STING1: variants seen among roughly 807,000 people sequenced by gnomAD.
STING1 encodes the protein stimulator of interferon response cGAMP interactor 1.
STING1 carries 19 observed loss-of-function variants against 31.6 expected under a neutral mutation model. The observed-to-expected ratio is 0.60, with a 90% confidence interval of 0.42 to 0.88. The LOEUF is 0.88. Among genes scored for constraint, STING1 ranks in the 40% least tolerant of loss-of-function variants. The pLI is 0.00. For synonymous variants in STING1, 200 were observed against 208.6 expected, an observed-to-expected ratio of 0.96 and a Z score of 0.35; for missense variants, 371 against 483.7, an observed-to-expected ratio of 0.77 and a Z score of 2.19.
chr5:139,477,164 A>G (rs1751687224), intron 7 of STING1, among the ~76,000 whole-genome samples, 165 bp downstream of exon 7: 1 of 152,136 alleles, frequency 6.6e-6, no homozygotes, highest in Non-Finnish European at 1.5e-5. Context: ...TCAAAGACCT[A>G]AAAAGCAATC....
At chr5:139,480,971 C>T (rs529870302) in intron 4 of STING1, 73 bp from the exon 5 acceptor site, 2 of 1,284,222 alleles carry the variant, frequency 1.6e-6, no homozygotes, top group African/African-American at 2.9e-5. Context: ...TCCTCCAAGG[C>T]TTCCCAACCT....
chr5:139,478,352 G>A lies in STING1; in HGVS notation c.677C>T (p.Pro226Leu). 6.2e-7 allele frequency: 1 copy of A among 1,614,108 alleles called. No individual in the cohort carries two copies. Among genetic ancestry groups the A allele is most frequent in the Non-Finnish European group, 8.5e-7 (1 of 1,180,022 alleles). ...GCCAGCATGGTCACCGGTCTGCTGGGGCAGTTTATCCAGGAAGCGAATGTT... is the reference window on the plus strand; with the variant it reads ...GCCAGCATGGTCACCGGTCTGCTGGAGCAGTTTATCCAGGAAGCGAATGTT... ...DPNIRFLDKL[P>L]QQTGDHAGIK... The change falls in exon 6 of 8, where the codon CCC becomes CTC. Residue 226 changes from proline (P) to leucine (L), a missense_variant. By Grantham distance (98) the Pro-to-Leu change is moderately conservative. Transcript: ENST00000330794.
In STING1 at chr5:139,481,536, C is replaced by T. The variant is rs1751849725; in HGVS notation, c.169G>A (p.Gly57Arg). 1 of 1,613,952 alleles carries T rather than the reference C, an allele frequency of 6.2e-7. No homozygotes were observed. Among genetic ancestry groups the T allele is most frequent in the Non-Finnish European group, 8.5e-7 (1 of 1,179,992 alleles). Residue 57 changes from glycine to arginine, a missense_variant, in exon 3 of 8, where the codon GGA becomes AGA. Physicochemically the swap from Gly to Arg is moderately radical, Grantham distance 125. Coordinates refer to ENST00000330794, the MANE Select transcript of STING1 (RefSeq NM_198282.4). This position sits in a 1 kb window ranked among gnomAD's most constrained non-coding sequence, Gnocchi z 4.1. ...LVLHLASLQL[G>R]LLLNGVCSLA... is the part of the protein sequence containing the mutation. ...CTGCAGACCCCGTTTAACAGCAGTC[C>T]CAGCTGCAGGGAGGCTAGGTGGAGC...
In STING1 at chr5:139,476,013, C is replaced by A. The variant is rs1296168978; in HGVS notation, c.*248G>T. On this transcript the variant is annotated 3_prime_UTR_variant, in exon 8 of 8. Coordinates refer to ENST00000330794, the MANE Select transcript of STING1 (RefSeq NM_198282.4). ...AAAACTTCCACACACTCAGTCCTCA[C>A]AACAACCGTGAGGGAGGTAAGGCAG... 1 of 459,406 alleles carries A rather than the reference C, an allele frequency of 2.2e-6. No individual in the cohort carries two copies. Among genetic ancestry groups the A allele is most frequent in the Non-Finnish European group, 3.9e-6 (1 of 254,148 alleles). 28.5% of individuals were successfully genotyped at this position (459,406 alleles called of 1,614,324 possible).
Position 139,477,639 on chromosome 5 carries a change from A to G in STING1, c.760-124T>C, listed in dbSNP as rs1017023438. On this transcript the variant is annotated intron_variant, in intron 6 of 7. Transcript: ENST00000330794. ...GGCCCCACTCCCTCAGCCTGTAACGATAGAGTCCTGGGAGGTGGCCACCCT... is the reference window on the plus strand; with the variant it reads ...GGCCCCACTCCCTCAGCCTGTAACGGTAGAGTCCTGGGAGGTGGCCACCCT... 1.2e-5 allele frequency: 12 copies of G among 1,014,400 alleles called. No individual in the cohort carries two copies. The East Asian group carries it at 2.8e-4, about 23-fold the overall frequency. 62.8% of individuals were successfully genotyped at this position (1,014,400 alleles called of 1,614,324 possible).
In STING1 at chr5:139,478,439, C is replaced by G; in HGVS notation, c.590G>C (p.Arg197Pro). The part of the protein sequence containing the change: ...NNLLRGAVSQ[R>P]LYILLPLDCG... ...GTCCAATGGGAGGAGAATATACAGC[C>G]GCTGGCTCACTGCACCCCGTAGCAG... is the stretch of plus-strand genomic sequence containing the variant. Residue 197 changes from arginine (R) to proline (P), a missense_variant, in exon 6 of 8, where the codon CGG (arginine) becomes CCG (proline). Coordinates refer to ENST00000330794, the MANE Select transcript of STING1 (RefSeq NM_198282.4). 6.2e-7 allele frequency: 1 copy of G among 1,614,166 alleles called. No individual in the cohort carries two copies. Among genetic ancestry groups the G allele is most frequent in the Non-Finnish European group, 8.5e-7 (1 of 1,180,030 alleles).
At chr5:139,478,612 G>A in intron 5 of STING1, 104 bp from the exon 6 acceptor site, 2 of 996,914 alleles carry the variant, frequency 2.0e-6, no homozygotes, top group South Asian at 1.4e-5. Flanking sequence ...GGGTGCCAGA[G>A]AATGGAGAGT....
Position 139,475,790 on chromosome 5 carries a change from C to G in STING1, c.*471G>C, listed in dbSNP as rs1449816124. On this transcript the variant is annotated 3_prime_UTR_variant, in exon 8 of 8. Coordinates refer to ENST00000330794, the MANE Select transcript of STING1 (RefSeq NM_198282.4). ...AATACCCCAAACTCAGCCTCCTCCT[C>G]CTCTCCATTCTTCTGCTGGGGCTCC... 6.5e-6 allele frequency: 1 copy of G among 153,506 alleles called. No homozygotes were observed. The highest frequency in any genetic ancestry group is 1.5e-5 in the Non-Finnish European group (1 of 68,886). 9.5% of individuals were successfully genotyped at this position (153,506 alleles called of 1,614,324 possible).
In STING1 at chr5:139,475,631, A is replaced by C. The variant is rs896188638; in HGVS notation, c.*630T>G. On this transcript the variant is annotated 3_prime_UTR_variant, in exon 8 of 8. Coordinates refer to ENST00000330794, the MANE Select transcript of STING1 (RefSeq NM_198282.4). ...GTACTCTAGTGGGGTGGGGGTGCCG[A>C]TACACAGCTAGGCTTAAGGGGCCAG... is the stretch of plus-strand genomic sequence containing the variant. 1 of 152,262 alleles carries C rather than the reference A, an allele frequency of 6.6e-6. No individual in the cohort carries two copies. Among genetic ancestry groups the C allele is most frequent in the African/African-American group, 2.4e-5 (1 of 41,428 alleles). 9.4% of individuals were successfully genotyped at this position (152,262 alleles called of 1,614,324 possible). A position where few individuals can be genotyped will look rare whatever the true frequency, so the allele number is the denominator to read the frequency against.
chr5:139,481,426 A>T lies in STING1; in HGVS notation c.227+52T>A. Reference sequence around the variant, plus strand: ...TCAAGGAGGGGCAGGGCTAGGCATCAAGGGAGTGACACACGTTGGATACCC... The same window carrying T: ...TCAAGGAGGGGCAGGGCTAGGCATCTAGGGAGTGACACACGTTGGATACCC... On this transcript the variant is annotated intron_variant, in intron 3 of 7. Coordinates refer to ENST00000330794, the MANE Select transcript of STING1 (RefSeq NM_198282.4). The surrounding 1 kb of genome is among the most constrained non-coding windows in gnomAD (Gnocchi z 4.1). 1.1e-5 allele frequency: 18 copies of T among 1,597,724 alleles called. No individual in the cohort carries two copies. The South Asian group carries it at 2.0e-4, about 18-fold the overall frequency.
rs570386634 is a variant in STING1, at chr5:139,481,151, T to G, written c.411+8A>C. 1 of 1,613,732 alleles carries G rather than the reference T, an allele frequency of 6.2e-7. No homozygotes were observed. Among genetic ancestry groups the G allele is most frequent in the African/African-American group, 1.3e-5 (1 of 75,040 alleles). ...TGGCCAGAGCTTCTACCTCCCCCTG[T>G]GTCATACCTTGAGGCCCAGGAGGAT... On this transcript the variant is annotated splice_region_variant and intron_variant, in intron 4 of 7. Transcript: ENST00000330794. The surrounding 1 kb of genome is among the most constrained non-coding windows in gnomAD (Gnocchi z 4.1).
Position 139,477,513 on chromosome 5 carries a change from C to G in STING1, c.762G>C (p.Ala254=), listed in dbSNP as rs11554777. Residue 254 remains alanine, a splice_region_variant and synonymous_variant, in exon 7 of 8, where the codon GCG becomes GCC. Coordinates refer to ENST00000330794, the MANE Select transcript of STING1 (RefSeq NM_198282.4). ...TGGCGTACTCCAGGACACAGGTGCC[C>G]GCCTAGAGGAGGTAAGAGGAAGACC... ...IYELLENGQR[A]GTCVLEYATP... is the part of the protein sequence containing the mutation. The G allele has an allele frequency of 2.5e-6, 4 of 1,612,988 alleles. No individual in the cohort carries two copies. The highest frequency in any genetic ancestry group is 2.5e-6 in the Non-Finnish European group (3 of 1,179,528).
intron 5 of STING1, among the ~76,000 whole-genome samples, chr5:139,479,893 G>C (rs956661151): frequency 6.9e-6 from 1 of 145,386 alleles, no homozygotes; most frequent in African/African-American, 2.5e-5. Flanking sequence ...CCGGTGGCAG[G>C]GACCTGTAAT....
In STING1 at chr5:139,476,364, A is replaced by G; in HGVS notation, c.1037T>C (p.Leu346Ser). 6.2e-7 allele frequency: 1 copy of G among 1,612,794 alleles called. No individual in the cohort carries two copies. The highest frequency in any genetic ancestry group is 8.5e-7 in the Non-Finnish European group (1 of 1,179,976). ...EEKEEVTVGSLKTSAVPSTST... is the reference protein window; with the variant it reads ...EEKEEVTVGSSKTSAVPSTST... ...GGTACTGGGCACCGCTGAGGTCTTC[A>G]AGCTGCCCACAGTAACCTCTTCCTT... Residue 346 changes from leucine (L) to serine (S), a missense_variant, in exon 8 of 8, where the codon TTG becomes TCG. Transcript: ENST00000330794.
Position 139,478,263 on chromosome 5 carries a change from C to G in STING1, c.759+7G>C, listed in dbSNP as rs1751720744. 6.2e-7 allele frequency: 1 copy of G among 1,608,900 alleles called. No homozygotes were observed. On this transcript the variant is annotated splice_region_variant and intron_variant, in intron 6 of 7. Coordinates refer to ENST00000330794, the MANE Select transcript of STING1 (RefSeq NM_198282.4). ...CCTCAGAGACCCCCACTCCCCTGCA[C>G]ACTTACCCGCTGCCCGTTCTCCAGA...
intron 6 of STING1, among the ~76,000 whole-genome samples, chr5:139,477,782 C>T (rs998221356): frequency 2.0e-5 from 3 of 152,200 alleles, no homozygotes; most frequent in Non-Finnish European, 2.9e-5. Context: ...TAGGGCAAGA[C>T]CCGAGGCTGT....
chr5:139,478,341 C>A lies in STING1; in HGVS notation c.688G>T (p.Gly230Cys). ...RFLDKLPQQTGDHAGIKDRVY... is the reference protein window; with the variant it reads ...RFLDKLPQQTCDHAGIKDRVY... ...CGATCCTTGATGCCAGCATGGTCACCGGTCTGCTGGGGCAGTTTATCCAGG... is the reference window on the plus strand; with the variant it reads ...CGATCCTTGATGCCAGCATGGTCACAGGTCTGCTGGGGCAGTTTATCCAGG... Residue 230 changes from glycine to cysteine, a missense_variant, in exon 6 of 8, where the codon GGT becomes TGT. Gly to Cys is a radical substitution (Grantham distance 159). Coordinates refer to ENST00000330794, the MANE Select transcript of STING1 (RefSeq NM_198282.4). 6.2e-7 allele frequency: 1 copy of A among 1,614,142 alleles called. No homozygotes were observed. The highest frequency in any genetic ancestry group is 1.1e-5 in the South Asian group (1 of 91,080).
chr5:139,477,227 G>GC, intron 7 of STING1, 102 bp downstream of exon 7: 1 of 1,234,854 alleles, frequency 8.1e-7, no homozygotes, highest in Non-Finnish European at 1.1e-6. Flanking sequence ...CAGGCCCAGG[G>GC]CATGGTGCTC....
rs1561481878 is a variant in STING1 at position 139,476,291 on chromosome 5, C to CT, written c.1109dup (p.Pro371AlafsTer79). The CT allele has an allele frequency of 6.2e-7, 1 of 1,602,788 alleles. No homozygotes were observed. ...AGAAATCCGTGCGGAGAGGGAGGGGCTTTTCCATTCCACTGATGAGGAGCT... is the reference window on the plus strand; with the variant it reads ...AGAAATCCGTGCGGAGAGGGAGGGGCTTTTTCCATTCCACTGATGAGGAGCT... On this transcript the variant is annotated frameshift_variant, in exon 8 of 8. Transcript: ENST00000330794. LOFTEE classifies it high-confidence loss of function.
Sources: allele counts gnomAD v4.1 joint callset (sites outside exome capture counted in the v4.1 genomes callset), GRCh38; gene constraint gnomAD v4.1.1; non-coding constraint Gnocchi (gnomAD v3.1); transcripts MANE v1.5; gene names NCBI Gene and HGNC (gene_info 2026-07-23, HGNC 2026-07-21).